KCNN2: variants seen among roughly 807,000 people sequenced by gnomAD.
The protein encoded by KCNN2 is small conductance calcium-activated potassium channel protein 2.
In KCNN2, 24 loss-of-function variants were observed where a neutral mutation model predicts 55.5. The observed-to-expected ratio is 0.43, with a 90% CI of 0.31 to 0.61. The LOEUF is 0.61. KCNN2 is among the 20% of genes least tolerant of loss of function. The pLI is 0.08. For missense variants in KCNN2, 754 were observed against 853.6 expected (o/e 0.88, Z 1.45); for synonymous variants, 431 against 336.1 (o/e 1.28, Z -3.09).
At chr5:114,433,008 G>A (rs558389266) in intron 3 of KCNN2, among the ~76,000 whole-genome samples, 10 of 152,072 alleles carry the variant, frequency 6.6e-5, no homozygotes, top group South Asian at 2.1e-4. Flanking sequence ...CCTGATGAGC[G>A]CCACCCCCTG....
At chr5:114,396,213 A>C (rs371753594) in intron 2 of KCNN2, among the ~76,000 whole-genome samples, 6 of 152,036 alleles carry the variant, frequency 3.9e-5, no homozygotes, top group African/African-American at 1.4e-4. Context: ...CAAGATTTCT[A>C]CTTTTGTTGT....
At chr5:114,424,209 A>C (rs566383628) in intron 3 of KCNN2, among the ~76,000 whole-genome samples, 1 of 152,356 alleles carries the variant, frequency 6.6e-6, no homozygotes, top group South Asian at 2.1e-4. Flanking sequence ...TAAATTCAAA[A>C]AACCAAACAC....
At chr5:114,218,314 A>G (rs1257419688) in intron 1 of KCNN2, among the ~76,000 whole-genome samples, 1 of 152,226 alleles carries the variant, frequency 6.6e-6, no homozygotes, top group Non-Finnish European at 1.5e-5. Flanking sequence ...TTCGTTCATA[A>G]TTGCCCAAAC....
intron 1 of KCNN2, among the ~76,000 whole-genome samples, chr5:114,069,988 A>G (rs1750533106): frequency 6.6e-6 from 1 of 152,190 alleles, no homozygotes; most frequent in Admixed American, 6.5e-5. Flanking sequence ...CACTTTTCTT[A>G]TATGCATTCA....
chr5:114,094,434 G>T (rs1242527148), intron 1 of KCNN2, among the ~76,000 whole-genome samples: 1 of 152,228 alleles, frequency 6.6e-6, no homozygotes, highest in Non-Finnish European at 1.5e-5. Context: ...CAGGGTAGAA[G>T]AAAGGATTCT....
chr5:114,273,289 G>T (rs967253456), intron 2 of KCNN2, among the ~76,000 whole-genome samples: 5 of 152,118 alleles, frequency 3.3e-5, no homozygotes, highest in African/African-American at 1.2e-4. Flanking sequence ...ATGGACATTT[G>T]GGTTGGTTCC....
At chr5:114,145,053 G>A (rs1034512225) in intron 1 of KCNN2, among the ~76,000 whole-genome samples, 18 of 152,130 alleles carry the variant, frequency 1.2e-4, no homozygotes, top group Admixed American at 2.0e-4. Flanking sequence ...CATAGCTATG[G>A]TTAATCTCCA....
At chr5:114,435,672 G>T (rs1489920729) in intron 3 of KCNN2, among the ~76,000 whole-genome samples, 2 of 151,622 alleles carry the variant, frequency 1.3e-5, no homozygotes, top group Non-Finnish European at 2.9e-5. Flanking sequence ...TGTTATTTGG[G>T]TGATTATAAT....
At chr5:114,137,113 A>G (rs942217882) in intron 1 of KCNN2, among the ~76,000 whole-genome samples, 1 of 152,138 alleles carries the variant, frequency 6.6e-6, no homozygotes, top group African/African-American at 2.4e-5. Context: ...ATATTCTTTC[A>G]GTATGATTTA....
chr5:114,135,128 C>G (rs958786091), intron 1 of KCNN2, among the ~76,000 whole-genome samples: 4 of 85,022 alleles, frequency 4.7e-5, no homozygotes, highest in African/African-American at 1.9e-4. Context: ...AGAGCTGAAG[C>G]TTAAGCCAAT....
chr5:114,112,128 A>C (rs985659107), intron 1 of KCNN2, among the ~76,000 whole-genome samples: 8 of 152,170 alleles, frequency 5.3e-5, no homozygotes, highest in African/African-American at 1.7e-4. Context: ...CACATATACA[A>C]CATGGAATAC....
intron 2 of KCNN2, among the ~76,000 whole-genome samples, chr5:114,291,729 T>C (rs148316776): frequency 1.3e-5 from 2 of 152,148 alleles, no homozygotes; most frequent in Admixed American, 6.5e-5. Flanking sequence ...CTAGGTCAAA[T>C]GGTATTTCTA....
chr5:114,139,975 TAAGA>T (rs1752243929), intron 1 of KCNN2, among the ~76,000 whole-genome samples: 1 of 152,058 alleles, frequency 6.6e-6, no homozygotes, highest in African/African-American at 2.4e-5. Context: ...TCCTTTCTAT[TAAGA>T]AAGATATTAG....
intron 1 of KCNN2, among the ~76,000 whole-genome samples, chr5:114,187,301 T>A (rs1753353316): frequency 6.6e-6 from 1 of 151,822 alleles, no homozygotes; most frequent in Admixed American, 6.6e-5. Context: ...ATGAGTAAAC[T>A]GACACACTAT....
chr5:114,168,174 TACACACAC>T (rs10654082), intron 1 of KCNN2, among the ~76,000 whole-genome samples: 2 of 148,712 alleles, frequency 1.3e-5, no homozygotes, highest in Non-Finnish European at 3.0e-5. Flanking sequence ...TGGATATATA[TACACACAC>T]ACACACACAC....
At chr5:114,360,906 G>GT (rs908962296), upstream of KCNN2, 1 of 152,340 alleles carries the variant, frequency 6.6e-6, no homozygotes, top group African/African-American at 2.4e-5. Context: ...CGATATTTGC[G>GT]TATTTGTGAC....
intron 1 of KCNN2, among the ~76,000 whole-genome samples, chr5:114,215,267 C>A (rs992392520): frequency 1.3e-5 from 2 of 152,030 alleles, no homozygotes; most frequent in Admixed American, 6.6e-5. Context: ...AGGATAGAAG[C>A]CATAATCACT....
intron 5 of KCNN2, among the ~76,000 whole-genome samples, chr5:114,476,648 C>T (rs572788513): frequency 4.6e-5 from 7 of 151,908 alleles, no homozygotes; most frequent in South Asian, 2.1e-4. Context: ...CTGGAACTCC[C>T]GACCTCAGGT....
intron 2 of KCNN2, among the ~76,000 whole-genome samples, chr5:114,234,136 T>G (rs1468045075): frequency 2.6e-5 from 4 of 152,198 alleles, no homozygotes; most frequent in Non-Finnish European, 4.4e-5. Context: ...TTGTTTGAAC[T>G]TTATTGAGGA....
Sources: allele counts gnomAD v4.1 joint callset (sites outside exome capture counted in the v4.1 genomes callset), GRCh38; gene constraint gnomAD v4.1.1; transcripts MANE v1.5; gene names NCBI Gene and HGNC (gene_info 2026-07-23, HGNC 2026-07-21).